Variants in ZBED4 observed in about 807,000 individuals in gnomAD.
ZBED4 encodes zinc finger BED-type containing 4, also known as zinc finger BED domain-containing protein 4.
Under a neutral mutation model 15.5 loss-of-function variants are expected in ZBED4, and 4 were observed. The observed-to-expected ratio is 0.26, with a 90% CI of 0.13 to 0.59. ZBED4 has a LOEUF of 0.59. Among genes scored for constraint, ZBED4 ranks in the 20% least tolerant of loss-of-function variants. The pLI is 0.90. For synonymous variants in ZBED4, 692 were observed against 608.5 expected, an observed-to-expected ratio of 1.14 and a Z score of -2.02; for missense variants, 1,323 against 1,461.8, an observed-to-expected ratio of 0.91 and a Z score of 1.55.
intron 1 of ZBED4, among the ~76,000 whole-genome samples, chr22:49,873,318 T>C (rs565891240): frequency 1.3e-5 from 2 of 152,298 alleles, no homozygotes; most frequent in East Asian, 3.9e-4. Flanking sequence ...AATTCTAATT[T>C]CTCGTGTGTC....
In ZBED4 at chr22:49,878,841, T is replaced by C. The variant is rs553970272; in HGVS notation, c.-329-4493T>C. Among the ~76,000 whole-genome samples the C allele has an allele frequency of 4.0e-5, 6 of 151,418 alleles. No individual in the cohort carries two copies. The East Asian group carries it at 5.9e-4, about 15-fold the overall frequency. ...GCTGAAACCTTGTCTCTACTAAAAA[T>C]AAAAAAAATGAGCCGGGAGTGGGCC... On this transcript the variant is annotated intron_variant, in intron 1 of 1. Coordinates refer to ENST00000216268, the MANE Select transcript of ZBED4 (RefSeq NM_014838.3).
chr22:49,863,456 G>A (rs1415865171), intron 1 of ZBED4, among the ~76,000 whole-genome samples: 1 of 152,062 alleles, frequency 6.6e-6, no homozygotes, highest in Non-Finnish European at 1.5e-5. Context: ...GTGAAACCAC[G>A]TCTCTACTAA....
At chr22:49,858,395 G>A (rs1012571630) in intron 1 of ZBED4, among the ~76,000 whole-genome samples, 2 of 152,220 alleles carry the variant, frequency 1.3e-5, no homozygotes, top group African/African-American at 4.8e-5. Context: ...TCTGAACCAG[G>A]CCCGGAGTCT....
At position 49,885,697 on chromosome 22, in the gene ZBED4, G is replaced by C; in HGVS notation, c.2035G>C (p.Val679Leu). Residue 679 changes from valine (V) to leucine (L), a missense_variant, in exon 2 of 2, where the codon GTT becomes CTT. Around this residue, in one of 6 missense-constraint regions of ZBED4, gnomAD observed 89 missense variants for 129.8 expected, o/e 0.69. Coordinates refer to ENST00000216268, the MANE Select transcript of ZBED4 (RefSeq NM_014838.3). ...CCAGCCATATTCTTTTGTAGACAAC[G>C]TTGGCTTTAACAGGCTGCTTGAATA... ...DLQPYSFVDN[V>L]GFNRLLEYLK... 1.2e-6 allele frequency: 2 copies of C among 1,610,314 alleles called. No individual in the cohort carries two copies. Among genetic ancestry groups the C allele is most frequent in the African/African-American group, 1.3e-5 (1 of 74,940 alleles).
Position 49,885,388 on chromosome 22 carries a change from A to G in ZBED4, c.1726A>G (p.Lys576Glu). ...TTCTATTTGCTCCGCAGACTCCACA[A>G]AAGTCGTGTGCTTGCACTGTGGCCG... The part of the protein sequence containing the change: ...HFSICSADST[K>E]VVCLHCGRTI... The change falls in exon 2 of 2, where the codon AAA (lysine) becomes GAA (glutamate). Residue 576 changes from lysine to glutamate, a missense_variant. Physicochemically the swap from Lys to Glu is moderately conservative, Grantham distance 56. This residue lies in a region of ZBED4 where 429 missense variants were observed against 397.9 expected (regional missense o/e 1.08). Transcript: ENST00000216268. 2 of 1,597,556 alleles carry G rather than the reference A, an allele frequency of 1.3e-6. No individual in the cohort carries two copies. The highest frequency in any genetic ancestry group is 1.7e-6 in the Non-Finnish European group (2 of 1,168,326).
In ZBED4 at chr22:49,886,817, G is replaced by C. The variant is rs1249016427; in HGVS notation, c.3155G>C (p.Gly1052Ala). 6.2e-7 allele frequency: 1 copy of C among 1,613,378 alleles called. No individual in the cohort carries two copies. The highest frequency in any genetic ancestry group is 1.3e-5 in the African/African-American group (1 of 74,876). The change falls in exon 2 of 2, where the codon GGC (glycine) becomes GCC (alanine). Residue 1052 changes from glycine (G) to alanine (A), a missense_variant. Transcript: ENST00000216268. The surrounding 1 kb of genome is among the most constrained non-coding windows in gnomAD (Gnocchi z 7.7). Reference protein sequence around the residue: ...DVAASHRCDAGSPSKDSAAEE... With the variant: ...DVAASHRCDAASPSKDSAAEE... ...GCTGCCTCCCACAGGTGTGATGCTG[G>C]CTCCCCGTCGAAAGACTCTGCCGCA...
chr22:49,879,475 G>A (rs1276007348), intron 1 of ZBED4, among the ~76,000 whole-genome samples: 1 of 151,684 alleles, frequency 6.6e-6, no homozygotes, highest in Non-Finnish European at 1.5e-5. Flanking sequence ...TGTTGCCCAG[G>A]CACACACCAC....
In ZBED4 at chr22:49,886,797, C is replaced by G; in HGVS notation, c.3135C>G (p.Ala1045=). 1 of 1,612,974 alleles carries G rather than the reference C, an allele frequency of 6.2e-7. No individual in the cohort carries two copies. Among genetic ancestry groups the G allele is most frequent in the Non-Finnish European group, 8.5e-7 (1 of 1,179,464 alleles). Residue 1045 remains alanine, a synonymous_variant, in exon 2 of 2, where the codon GCC becomes GCG. Transcript: ENST00000216268. This position sits in a 1 kb window ranked among gnomAD's most constrained non-coding sequence, Gnocchi z 7.7. ...ATTCTACCTCAGAGGACGTGGCTGC[C>G]TCCCACAGGTGTGATGCTGGCTCCC... ...LMNSTSEDVA[A]SHRCDAGSPS... is the part of the protein sequence containing the mutation.
upstream of ZBED4, chr22:49,852,985 C>T (rs940243048): frequency 2.0e-5 from 3 of 152,316 alleles, no homozygotes; most frequent in East Asian, 1.9e-4. Flanking sequence ...CAGGGGCGGG[C>T]TCCGGGCAGA....
At position 49,864,937 on chromosome 22, in the gene ZBED4, G is replaced by GC. The variant is rs1159525378; in HGVS notation, c.-330+10963dup. ...TGACCATGGGGTTCTATCCCAGCAA[G>GC]CCCCCCCCCCCCCCCGTGAAGTCAG... On this transcript the variant is annotated intron_variant, in intron 1 of 1. Coordinates refer to ENST00000216268, the MANE Select transcript of ZBED4 (RefSeq NM_014838.3). Among the ~76,000 whole-genome samples the GC allele has an allele frequency of 8.6e-3, 98 of 11,340 alleles. 2 individuals carry two copies. The highest frequency in any genetic ancestry group is 0.029 in the East Asian group (4 of 138). 7.4% of individuals were successfully genotyped at this position (11,340 alleles called of 152,430 possible).
chr22:49,876,301 A>G (rs546470615), intron 1 of ZBED4, among the ~76,000 whole-genome samples: 1 of 152,290 alleles, frequency 6.6e-6, no homozygotes, highest in South Asian at 2.1e-4. Context: ...CTTGGATAAT[A>G]GTGTTGTTTG....
Position 49,885,295 on chromosome 22 carries a change from G to T in ZBED4, c.1633G>T (p.Val545Phe). Residue 545 changes from valine (V) to phenylalanine (F), a missense_variant, in exon 2 of 2, where the codon GTC becomes TTC. Coordinates refer to ENST00000216268, the MANE Select transcript of ZBED4 (RefSeq NM_014838.3). ...CAAATTGACTGACTTGCCAACAGTG[G>T]TCACAAAAAACAATCAAGTTATGTT... ...SSKLTDLPTV[V>F]TKNNQVMFPV... 6.3e-7 allele frequency: 1 copy of T among 1,592,298 alleles called. No homozygotes were observed. Among genetic ancestry groups the T allele is most frequent in the Non-Finnish European group, 8.6e-7 (1 of 1,167,950 alleles).
Position 49,865,733 on chromosome 22 carries a change from C to T in ZBED4, c.-330+11744C>T, listed in dbSNP as rs79937505. 7.9e-3 allele frequency among the ~76,000 whole-genome samples: 1,204 copies of T among 152,188 alleles called. 18 individuals carry two copies. The highest frequency in any genetic ancestry group is 0.028 in the African/African-American group (1,168 of 41,518). ...TTGTGTTTTGGTTGAGGTTTGCTCT[C>T]CGGTAGATCTCTCAGGAAGGACTCA... On this transcript the variant is annotated intron_variant, in intron 1 of 1. Coordinates refer to ENST00000216268, the MANE Select transcript of ZBED4 (RefSeq NM_014838.3).
At chr22:49,854,364 G>T (rs2060265829) in intron 1 of ZBED4, among the ~76,000 whole-genome samples, 2 of 151,688 alleles carry the variant, frequency 1.3e-5, no homozygotes, top group Admixed American at 6.6e-5. Context: ...AGTTAACCCC[G>T]CGAGCCCCGT....
chr22:49,858,867 G>GC (rs1239295177), intron 1 of ZBED4, among the ~76,000 whole-genome samples: 1 of 152,148 alleles, frequency 6.6e-6, no homozygotes, highest in Non-Finnish European at 1.5e-5. Context: ...GCGTTCCGGT[G>GC]CCCCCGGAGC....
At chr22:49,871,298 C>G (rs1046989691) in intron 1 of ZBED4, among the ~76,000 whole-genome samples, 2 of 151,850 alleles carry the variant, frequency 1.3e-5, no homozygotes, top group Non-Finnish European at 1.5e-5. Context: ...ACCAGCCTGG[C>G]CAATGTGGTG....
chr22:49,869,239 C>T (rs2147517517), intron 1 of ZBED4, among the ~76,000 whole-genome samples: 1 of 152,136 alleles, frequency 6.6e-6, no homozygotes, highest in South Asian at 2.1e-4. Context: ...GATTCACGTA[C>T]ACACATGCAT....
intron 1 of ZBED4, among the ~76,000 whole-genome samples, chr22:49,872,023 C>G (rs534400462): frequency 6.6e-6 from 1 of 152,182 alleles, no homozygotes; most frequent in East Asian, 1.9e-4. Context: ...GGATTACAGG[C>G]GTGAGCCACT....
In ZBED4 at chr22:49,868,837, C is replaced by T. The variant is rs1008941413; in HGVS notation, c.-329-14497C>T. ...TGAAACGTCACGGATGCAGGCCGGG[C>T]GCAATGGCTCACACCTGTAATCCCA... On this transcript the variant is annotated intron_variant, in intron 1 of 1. Coordinates refer to ENST00000216268, the MANE Select transcript of ZBED4 (RefSeq NM_014838.3). Among the ~76,000 whole-genome samples the T allele has an allele frequency of 5.9e-5, 9 of 151,538 alleles. No homozygotes were observed. The South Asian group carries it at 6.2e-4, about 11-fold the overall frequency.
Sources: allele counts gnomAD v4.1 joint callset (sites outside exome capture counted in the v4.1 genomes callset), GRCh38; gene constraint gnomAD v4.1.1; regional missense constraint gnomAD v4.1.1; non-coding constraint Gnocchi (gnomAD v3.1); transcripts MANE v1.5; gene names NCBI Gene and HGNC (gene_info 2026-07-23, HGNC 2026-07-21).